Variants in RTN1 observed in about 807,000 individuals in gnomAD.
The protein encoded by RTN1 is reticulon-1.
RTN1 carries 25 observed loss-of-function variants against 65.5 expected under a neutral mutation model. The observed-to-expected ratio is 0.38, with a 90% CI of 0.28 to 0.53. RTN1 has a LOEUF of 0.53. Ranked by LOEUF, RTN1 falls within the 20% of genes least tolerant of loss-of-function variation. The pLI, the probability that RTN1 is intolerant of heterozygous loss-of-function variation, is 0.79. For missense variants in RTN1, 983 were observed against 1,025.4 expected, an observed-to-expected ratio of 0.96 and a Z score of 0.57; for synonymous variants, 471 against 447.6, an observed-to-expected ratio of 1.05 and a Z score of -0.66.
intron 3 of RTN1, among the ~76,000 whole-genome samples, chr14:59,693,746 G>A (rs1318158675): frequency 6.6e-6 from 1 of 152,140 alleles, no homozygotes; most frequent in Non-Finnish European, 1.5e-5. Context: ...TGGACTCCAA[G>A]TCCAATTCAA....
intron 3 of RTN1, among the ~76,000 whole-genome samples, chr14:59,699,381 A>G (rs1884133468): frequency 6.6e-6 from 1 of 152,196 alleles, no homozygotes; most frequent in African/African-American, 2.4e-5. Context: ...AAATGAAATC[A>G]CTTATCTTTT....
rs547641974 is a variant in RTN1 at position 59,747,405 on chromosome 14, T to C, written c.242-924A>G. Among the ~76,000 whole-genome samples the C allele has an allele frequency of 5.4e-3, 829 of 152,228 alleles. 8 individuals are homozygous for C. Among genetic ancestry groups the C allele is most frequent in the Non-Finnish European group, 5.9e-3 (404 of 68,020 alleles). ...CAGGCGGATCTCCTGAGGTCGGGAGTTCGTAGACCAGCCTGACAACATGGA... is the reference window on the plus strand; with the variant it reads ...CAGGCGGATCTCCTGAGGTCGGGAGCTCGTAGACCAGCCTGACAACATGGA... On this transcript the variant is annotated intron_variant, in intron 1 of 8. Transcript: ENST00000267484.
intron 2 of RTN1, among the ~76,000 whole-genome samples, chr14:59,728,864 G>A (rs1358609422): frequency 1.3e-5 from 2 of 152,100 alleles, no homozygotes; most frequent in African/African-American, 2.4e-5. Context: ...ATATATTAGC[G>A]AATGAAACAG....
chr14:59,605,232 A>G, intron 5 of RTN1, 136 bp downstream of exon 5: 1 of 839,090 alleles, frequency 1.2e-6, no homozygotes, highest in South Asian at 1.9e-5. Context: ...ATGGTGCCAT[A>G]CAACTGGAGG....
intron 1 of RTN1, among the ~76,000 whole-genome samples, chr14:59,771,065 G>T (rs1885948591): frequency 1.3e-5 from 2 of 151,836 alleles, no homozygotes; most frequent in Admixed American, 1.3e-4. Context: ...AAAAAATTCT[G>T]TAATGGCATG....
chr14:59,823,611 C>T (rs966036011), intron 1 of RTN1, among the ~76,000 whole-genome samples: 7 of 152,210 alleles, frequency 4.6e-5, no homozygotes, highest in East Asian at 1.9e-4. Context: ...CCATCTCTTC[C>T]GGCTTACAAA....
At chr14:59,644,502 C>T (rs1460799085) in intron 3 of RTN1, among the ~76,000 whole-genome samples, 4 of 152,144 alleles carry the variant, frequency 2.6e-5, no homozygotes, top group Non-Finnish European at 5.9e-5. Context: ...CTCAGGCACA[C>T]GTGGAGCCCC....
chr14:59,781,082 C>T lies in RTN1; in HGVS notation c.242-34601G>A, dbSNP rs376990978. Among the ~76,000 whole-genome samples the T allele has an allele frequency of 8.5e-5, 13 of 152,130 alleles. No homozygotes were observed. In the East Asian group the frequency reaches 2.1e-3, roughly 25 times the overall value. On this transcript the variant is annotated intron_variant, in intron 1 of 8. Transcript: ENST00000267484. ...TACTTCCACCATCTTGTTTAGTACC[C>T]CAACAACCATGTGGAACTGGTGTCT...
chr14:59,830,867 A>C (rs1887113232), intron 1 of RTN1, among the ~76,000 whole-genome samples: 1 of 152,172 alleles, frequency 6.6e-6, no homozygotes, highest in Admixed American at 6.5e-5. Context: ...TATTATCTAT[A>C]TTATCATTTT....
chr14:59,610,005 CT>C, intron 3 of RTN1: 1 of 686,336 alleles, frequency 1.5e-6, no homozygotes, highest in Non-Finnish European at 2.7e-6. Flanking sequence ...AAGGAAGATG[CT>C]TACCCACTTG....
chr14:59,813,363 A>G (rs1023901519), intron 1 of RTN1, among the ~76,000 whole-genome samples: 5 of 152,266 alleles, frequency 3.3e-5, no homozygotes, highest in Non-Finnish European at 7.4e-5. Flanking sequence ...ATCACTCCCA[A>G]TTAGTTTGTG....
Position 59,605,406 on chromosome 14 carries a change from T to G in RTN1, c.2074A>C (p.Arg692=), listed in dbSNP as rs1385101313. 8 of 1,614,122 alleles carry G rather than the reference T, an allele frequency of 5.0e-6. No homozygotes were observed. The highest frequency in any genetic ancestry group is 5.9e-6 in the Non-Finnish European group (7 of 1,179,972). The part of the protein sequence containing the change: ...YVNSTLKELR[R]LFLVQDLVDS... ...ACCAGGTCCTGGACAAGGAAGAGCC[T>G]CCTCAGTTCCTTAAGTGTGCTGTTC... Residue 692 remains arginine (R), a synonymous_variant, in exon 5 of 9, where the codon AGG becomes CGG. Coordinates refer to ENST00000267484, the MANE Select transcript of RTN1 (RefSeq NM_021136.3).
chr14:59,822,175 A>G (rs1886955001), intron 1 of RTN1, among the ~76,000 whole-genome samples: 1 of 151,926 alleles, frequency 6.6e-6, no homozygotes, highest in South Asian at 2.1e-4. Context: ...TTTATTGTTG[A>G]TTCAGTTTTG....
chr14:59,719,282 A>G (rs1382170768), intron 3 of RTN1, among the ~76,000 whole-genome samples: 3 of 152,210 alleles, frequency 2.0e-5, no homozygotes, highest in Non-Finnish European at 4.4e-5. Flanking sequence ...TGTATAGAAT[A>G]TCCCTAGAAC....
chr14:59,665,738 T>C (rs912205416), intron 3 of RTN1, among the ~76,000 whole-genome samples: 10 of 152,024 alleles, frequency 6.6e-5, no homozygotes, highest in Non-Finnish European at 1.0e-4. Flanking sequence ...AATAAAGGGA[T>C]GGAGGAAGAC....
intron 3 of RTN1, among the ~76,000 whole-genome samples, chr14:59,684,650 TG>T (rs1333139394): frequency 6.6e-6 from 1 of 152,134 alleles, no homozygotes; most frequent in East Asian, 1.9e-4. Context: ...TGTTTTATAC[TG>T]TATTCCATCC....
chr14:59,623,596 A>G (rs1882314606), intron 3 of RTN1, among the ~76,000 whole-genome samples: 1 of 152,196 alleles, frequency 6.6e-6, no homozygotes, highest in South Asian at 2.1e-4. Context: ...TTCATGTACT[A>G]TTTCTTTAAG....
intron 8 of RTN1, among the ~76,000 whole-genome samples, chr14:59,602,662 T>A (rs368584489): frequency 2.6e-5 from 4 of 152,184 alleles, no homozygotes; most frequent in African/African-American, 9.6e-5. Context: ...AAATGATTTT[T>A]AAAAAATTAG....
intron 3 of RTN1, among the ~76,000 whole-genome samples, chr14:59,705,220 G>A (rs148228021): frequency 7.2e-4 from 109 of 152,236 alleles, no homozygotes; most frequent in Non-Finnish European, 1.2e-3. Context: ...GCGTACTTAG[G>A]AGTTCATATA....
Sources: allele counts gnomAD v4.1 joint callset (sites outside exome capture counted in the v4.1 genomes callset), GRCh38; gene constraint gnomAD v4.1.1; transcripts MANE v1.5; gene names NCBI Gene and HGNC (gene_info 2026-07-23, HGNC 2026-07-21).